Variants in TRIM36 observed in about 807,000 individuals in gnomAD.
TRIM36 encodes the protein tripartite motif containing 36, also known as E3 ubiquitin-protein ligase TRIM36.
A neutral mutation model predicts 72.4 loss-of-function variants in TRIM36; 42 were observed. That is an observed-to-expected ratio of 0.58 (90% CI 0.45 to 0.75). The LOEUF (loss-of-function observed/expected upper bound fraction) is 0.75. Among genes scored for constraint, TRIM36 ranks in the 30% least tolerant of loss-of-function variants. The pLI, the probability that TRIM36 is intolerant of heterozygous loss-of-function variation, is 0.00. For missense variants in TRIM36, 913 were observed against 857.1 expected, an observed-to-expected ratio of 1.07 and a Z score of -0.81; for synonymous variants, 315 against 282.8, an observed-to-expected ratio of 1.11 and a Z score of -1.14.
chr5:115,139,218 T>C (rs1273906630), intron 5 of TRIM36, among the ~76,000 whole-genome samples: 1 of 151,598 alleles, frequency 6.6e-6, no homozygotes, highest in Non-Finnish European at 1.5e-5. Context: ...CCTCCCGGGT[T>C]CAAGCAATTC....
In TRIM36 at chr5:115,149,811, T is replaced by G. The variant is rs916143706; in HGVS notation, c.263-2417A>C. Among the ~76,000 whole-genome samples the G allele has an allele frequency of 6.6e-5, 10 of 152,034 alleles. No homozygotes were observed. The East Asian group carries it at 1.9e-3, about 29-fold the overall frequency. ...TCTCGCTCTGTCGTCCAGGCTGGAG[T>G]GCAGTGGCGCGATCTCGGCTCACTG... On this transcript the variant is annotated intron_variant, in intron 2 of 9. Coordinates refer to ENST00000513154, the MANE Select transcript of TRIM36 (RefSeq NM_001300759.2).
chr5:115,126,961 T>C, intron 9 of TRIM36, 104 bp from the exon 10 acceptor site: 1 of 1,157,940 alleles, frequency 8.6e-7, no homozygotes, highest in Non-Finnish European at 1.2e-6. Context: ...AAATAGTTTT[T>C]ACATCAAAAG....
intron 8 of TRIM36, 62 bp from the exon 9 acceptor site, chr5:115,130,951 T>C (rs1321735278): frequency 6.6e-7 from 1 of 1,508,530 alleles, no homozygotes; most frequent in Non-Finnish European, 8.9e-7. Flanking sequence ...TTGTTAAATC[T>C]GATAGGTTTT....
At chr5:115,134,333 G>T (rs1301036514) in intron 7 of TRIM36, among the ~76,000 whole-genome samples, 186 bp from the exon 8 acceptor site, 1 of 151,510 alleles carries the variant, frequency 6.6e-6, no homozygotes, top group Non-Finnish European at 1.5e-5. Context: ...TATTTAAAAG[G>T]TATATCTATA....
Position 115,141,310 on chromosome 5 carries a change from G to C in TRIM36, c.800C>G (p.Ser267Cys), listed in dbSNP as rs1753263798. ...TTCTTTCATTAACAAGTTTAGTTCA[G>C]ATATTTGACTCTTCACCTGGCTTTC... is the stretch of plus-strand genomic sequence containing the variant. ...GKESQVKSQI[S>C]ELNLLMKETE... Residue 267 changes from serine to cysteine, a missense_variant, in exon 5 of 10, where the codon TCT becomes TGT. Coordinates refer to ENST00000513154, the MANE Select transcript of TRIM36 (RefSeq NM_001300759.2). 1.2e-6 allele frequency: 2 copies of C among 1,604,328 alleles called. No individual in the cohort carries two copies. Among genetic ancestry groups the C allele is most frequent in the African/African-American group, 1.3e-5 (1 of 74,384 alleles).
chr5:115,151,811 G>A (rs1428938567), intron 2 of TRIM36, among the ~76,000 whole-genome samples: 1 of 152,162 alleles, frequency 6.6e-6, no homozygotes, highest in South Asian at 2.1e-4. Flanking sequence ...TCCCAGGAAG[G>A]CACATCCATA....
chr5:115,177,680 A>G, intron 1 of TRIM36: 1 of 1,609,048 alleles, frequency 6.2e-7, no homozygotes, highest in Non-Finnish European at 8.5e-7. Flanking sequence ...GCTTACGTTG[A>G]AATGGTTAGG....
chr5:115,133,625 T>C (rs1363724800), intron 8 of TRIM36, among the ~76,000 whole-genome samples: 2 of 152,194 alleles, frequency 1.3e-5, no homozygotes, highest in African/African-American at 4.8e-5. Context: ...TCCTTCCATG[T>C]TTTTCTCTAT....
chr5:115,143,238 A>C lies in TRIM36; in HGVS notation c.735+1360T>G, dbSNP rs1056960652. Among the ~76,000 whole-genome samples, 15 of 151,246 alleles carry C rather than the reference A, an allele frequency of 9.9e-5. 1 individual carries two copies. The highest frequency in any genetic ancestry group is 2.9e-4 in the African/African-American group (12 of 41,240). On this transcript the variant is annotated intron_variant, in intron 4 of 9. Transcript: ENST00000513154. ...CCAGCCAGACAAAAAAAAAAAAAAA[A>C]AAAAAAAAAAACAAATCTCTAAATT...
Position 115,163,552 on chromosome 5 carries a change from AG to A in TRIM36, c.227del (p.Pro76LeufsTer19), listed in dbSNP as rs1754599225. The A allele has an allele frequency of 2.5e-6, 4 of 1,614,134 alleles. No individual in the cohort carries two copies. Among genetic ancestry groups the A allele is most frequent in the African/African-American group, 1.3e-5 (1 of 75,042 alleles). ...TAATTCGGTCAATTTTATCCATACT[AG>A]GGGAGGGGAGCCGAAGTCGAGGACT... ...QSSPRLRLPS[P>X]SMDKIDRINR... is the part of the protein sequence containing the mutation. On this transcript the variant is annotated frameshift_variant, in exon 2 of 10. Transcript: ENST00000513154. LOFTEE classifies it high-confidence loss of function.
At chr5:115,148,253 A>G in intron 2 of TRIM36, 2 of 810,178 alleles carry the variant, frequency 2.5e-6, no homozygotes, top group Non-Finnish European at 3.0e-6. Context: ...ATATAAAACA[A>G]TGAATGACCT....
At chr5:115,164,338 A>G (rs959896209) in intron 1 of TRIM36, among the ~76,000 whole-genome samples, 2 of 152,232 alleles carry the variant, frequency 1.3e-5, no homozygotes, top group Non-Finnish European at 2.9e-5. Context: ...ATTATCTTAA[A>G]AGCACTTTAT....
intron 5 of TRIM36, among the ~76,000 whole-genome samples, chr5:115,139,906 C>T (rs1023297564): frequency 1.3e-5 from 2 of 152,118 alleles, no homozygotes; most frequent in East Asian, 1.9e-4. Context: ...GACTCTGGGT[C>T]TTCATTTCAG....
chr5:115,138,912 T>C (rs1580654057), intron 5 of TRIM36, among the ~76,000 whole-genome samples: 4 of 152,046 alleles, frequency 2.6e-5, no homozygotes, highest in Admixed American at 2.6e-4. Context: ...GCCTCCAAGG[T>C]TCACGCCATT....
rs769438235 is a variant in TRIM36 at position 115,163,548 on chromosome 5, T to C, written c.232A>G (p.Met78Val). The C allele has an allele frequency of 1.2e-6, 2 of 1,614,166 alleles. No homozygotes were observed. Among genetic ancestry groups the C allele is most frequent in the South Asian group, 1.1e-5 (1 of 91,082 alleles). The change falls in exon 2 of 10, where the codon ATG becomes GTG. Residue 78 changes from methionine to valine, a missense_variant. Met to Val is a conservative substitution (Grantham distance 21). Coordinates refer to ENST00000513154, the MANE Select transcript of TRIM36 (RefSeq NM_001300759.2). ...SPRLRLPSPS[M>V]DKIDRINRPG... ...CTGTTAATTCGGTCAATTTTATCCA[T>C]ACTAGGGGAGGGGAGCCGAAGTCGA...
At chr5:115,165,355 A>G (rs1388145184) in intron 1 of TRIM36, among the ~76,000 whole-genome samples, 1 of 152,218 alleles carries the variant, frequency 6.6e-6, no homozygotes, top group Non-Finnish European at 1.5e-5. Flanking sequence ...TCGCCCCTGC[A>G]GCAGACTTCT....
chr5:115,147,516 G>A lies in TRIM36; in HGVS notation c.263-122C>T, dbSNP rs1753658169. On this transcript the variant is annotated intron_variant, in intron 2 of 9. Transcript: ENST00000513154. Reference sequence around the variant, plus strand: ...TATCACAAAAACAGTATCCGAAGTGGCTCCACGTGAAATTTGTATTGTGAA... The same window carrying A: ...TATCACAAAAACAGTATCCGAAGTGACTCCACGTGAAATTTGTATTGTGAA... 1.7e-5 allele frequency: 20 copies of A among 1,160,730 alleles called. 1 individual carries two copies. In the South Asian group the frequency reaches 3.4e-4, roughly 20 times the overall value. 71.9% of individuals were successfully genotyped at this position (1,160,730 alleles called of 1,614,324 possible).
chr5:115,172,457 T>C (rs920058670), upstream of TRIM36, among the ~76,000 whole-genome samples: 2 of 152,200 alleles, frequency 1.3e-5, no homozygotes, highest in African/African-American at 2.4e-5. Flanking sequence ...TAAAATATAA[T>C]GTGTGCAGTG....
At chr5:115,174,518 C>G (rs1371218658), upstream of TRIM36, among the ~76,000 whole-genome samples, 1 of 152,124 alleles carries the variant, frequency 6.6e-6, no homozygotes, top group Non-Finnish European at 1.5e-5. Context: ...ATTATTGACT[C>G]AAGCTACTGA....
Sources: gnomAD v4.1 joint callset for allele counts (sites outside exome capture counted in the v4.1 genomes callset) on GRCh38, gnomAD v4.1.1 for gene constraint, MANE v1.5 for transcripts, NCBI Gene and HGNC (gene_info 2026-07-23, HGNC 2026-07-21) for gene names.